Variants in KDM3B observed in about 807,000 individuals in gnomAD.
KDM3B encodes the protein lysine-specific demethylase 3B.
KDM3B carries 10 observed loss-of-function variants against 170.0 expected under a neutral mutation model. The ratio of observed to expected loss-of-function variants is 0.06; its 90% confidence interval spans 0.04 to 0.10. KDM3B has a LOEUF of 0.10. Among genes scored for constraint, KDM3B ranks in the 10% least tolerant of loss-of-function variants. KDM3B has a pLI of 1.00. For synonymous variants in KDM3B, 831 were observed against 834.8 expected, an observed-to-expected ratio of 1.00 and a Z score of 0.08; for missense variants, 1,394 against 2,195.2, an observed-to-expected ratio of 0.64 and a Z score of 7.29.
intron 1 of KDM3B, among the ~76,000 whole-genome samples, chr5:138,353,845 C>T (rs371470830): frequency 1.3e-5 from 2 of 152,104 alleles, no homozygotes; most frequent in African/African-American, 2.4e-5. Flanking sequence ...ATGTGTTATT[C>T]TCGTTAATGT....
rs762526351 is a variant in KDM3B at position 138,386,330 on chromosome 5, C to T, written c.1089C>T (p.Asn363=). Residue 363 remains asparagine (N), a synonymous_variant, in exon 7 of 24, where the codon AAC becomes AAT. Transcript: ENST00000314358. ...GCTTTGCCACTTACACCAAAGAAAA[C>T]GGCAGGACTCTGGTGGTGCAGGATG... ...NIRFATYTKE[N]GRTLVVQDEP... 32 of 1,614,224 alleles carry T rather than the reference C, an allele frequency of 2.0e-5. No homozygotes were observed. The East Asian group carries it at 2.9e-4, about 15-fold the overall frequency.
chr5:138,378,372 C>G (rs546025272), intron 4 of KDM3B, among the ~76,000 whole-genome samples: 2 of 152,048 alleles, frequency 1.3e-5, no homozygotes, highest in Non-Finnish European at 2.9e-5. Flanking sequence ...ACAAATAACA[C>G]CTTGGAGTGC....
At chr5:138,420,004 G>A (rs1763232203) in intron 14 of KDM3B, among the ~76,000 whole-genome samples, 2 of 152,196 alleles carry the variant, frequency 1.3e-5, no homozygotes, top group African/African-American at 2.4e-5. Context: ...TCCTGCCTCA[G>A]CCTCCCAAGT....
intron 3 of KDM3B, among the ~76,000 whole-genome samples, chr5:138,376,528 C>A (rs1338899601): frequency 6.6e-6 from 1 of 151,670 alleles, no homozygotes; most frequent in African/African-American, 2.4e-5. Flanking sequence ...AACAGTGAAA[C>A]CCCATCTCTA....
intron 11 of KDM3B, among the ~76,000 whole-genome samples, chr5:138,403,766 G>C (rs1195457285): frequency 6.6e-6 from 1 of 150,984 alleles, no homozygotes; most frequent in Non-Finnish European, 1.5e-5. Flanking sequence ...GCTGAGGCAG[G>C]AGGATCACTT....
intron 13 of KDM3B, among the ~76,000 whole-genome samples, chr5:138,418,353 T>G (rs1043874772): frequency 6.6e-6 from 1 of 152,150 alleles, no homozygotes; most frequent in African/African-American, 2.4e-5. Context: ...ATTCTGAGAT[T>G]AGAGGCATGA....
chr5:138,424,526 G>A (rs1335801874), intron 16 of KDM3B, among the ~76,000 whole-genome samples, 185 bp downstream of exon 16: 1 of 152,142 alleles, frequency 6.6e-6, no homozygotes, highest in African/African-American at 2.4e-5. Context: ...TATAGCTCAC[G>A]CCTGTAATCT....
intron 7 of KDM3B, among the ~76,000 whole-genome samples, chr5:138,388,438 C>T (rs1561771168): frequency 6.6e-6 from 1 of 151,936 alleles, no homozygotes; most frequent in Non-Finnish European, 1.5e-5. Context: ...CGAGACCATC[C>T]TGGCTAACAC....
In KDM3B at chr5:138,391,368, C is replaced by T. The variant is rs1047548676; in HGVS notation, c.1736C>T (p.Thr579Ile). Residue 579 changes from threonine (T) to isoleucine (I), a missense_variant, in exon 8 of 24, where the codon ACT (threonine) becomes ATT (isoleucine). By Grantham distance (89) the Thr-to-Ile change is moderately conservative. Around this residue, in one of 19 missense-constraint regions of KDM3B, gnomAD observed 294 missense variants for 311.7 expected, o/e 0.94. Coordinates refer to ENST00000314358, the MANE Select transcript of KDM3B (RefSeq NM_016604.4). The surrounding 1 kb of genome is among the most constrained non-coding windows in gnomAD (Gnocchi z 5.0). ...GGCAGATCCGTTCTTGGAACAGACA[C>T]TAAGCCAGGCTCTAAGGCTGGCAGC... Reference protein sequence around the residue: ...CKGRSVLGTDTKPGSKAGSSV... With the variant: ...CKGRSVLGTDIKPGSKAGSSV... 6.2e-7 allele frequency: 1 copy of T among 1,614,104 alleles called. No individual in the cohort carries two copies. The highest frequency in any genetic ancestry group is 8.5e-7 in the Non-Finnish European group (1 of 1,180,002).
At chr5:138,388,798 C>T (rs548081751) in intron 7 of KDM3B, among the ~76,000 whole-genome samples, 3 of 152,086 alleles carry the variant, frequency 2.0e-5, no homozygotes, top group South Asian at 4.2e-4. Context: ...GGTGACAGAG[C>T]GAGACTCCGT....
At chr5:138,379,478 A>C (rs1433886924) in intron 4 of KDM3B, 106 bp from the exon 5 acceptor site, 1 of 1,148,498 alleles carries the variant, frequency 8.7e-7, no homozygotes, top group Non-Finnish European at 1.2e-6. Flanking sequence ...AAAGAGGACC[A>C]AAAGTGCCAA....
In KDM3B at chr5:138,391,578, T is replaced by C; in HGVS notation, c.1946T>C (p.Phe649Ser). 6.2e-7 allele frequency: 1 copy of C among 1,614,150 alleles called. No homozygotes were observed. The highest frequency in any genetic ancestry group is 8.5e-7 in the Non-Finnish European group (1 of 1,180,032). The change falls in exon 8 of 24, where the codon TTC (phenylalanine) becomes TCC (serine). Residue 649 changes from phenylalanine to serine, a missense_variant. Physicochemically the swap from Phe to Ser is radical, Grantham distance 155. Coordinates refer to ENST00000314358, the MANE Select transcript of KDM3B (RefSeq NM_016604.4). The surrounding 1 kb of genome is among the most constrained non-coding windows in gnomAD (Gnocchi z 5.0). ...GTGGAGAAAGTTGAACACAGCCCTT[T>C]CAGTAGTTTTGCATCTCAGGCATCA... The part of the protein sequence containing the change: ...AFVEKVEHSP[F>S]SSFASQASGS...
At chr5:138,365,366 T>A (rs1011839762) in intron 1 of KDM3B, among the ~76,000 whole-genome samples, 1 of 152,106 alleles carries the variant, frequency 6.6e-6, no homozygotes, top group Non-Finnish European at 1.5e-5. Flanking sequence ...CAAGCGATTC[T>A]CCTGCCTCAG....
chr5:138,389,783 T>TGTGA (rs1491453361), intron 7 of KDM3B, among the ~76,000 whole-genome samples: 1 of 26,488 alleles, frequency 3.8e-5, no homozygotes, highest in South Asian at 1.5e-3. Flanking sequence ...TCTCTCTCTC[T>TGTGA]GTGTGTGTGT....
chr5:138,393,230 C>T lies in KDM3B; in HGVS notation c.2689C>T (p.Pro897Ser). Residue 897 changes from proline to serine, a missense_variant, in exon 9 of 24, where the codon CCC (proline) becomes TCC (serine). Around this residue, in one of 19 missense-constraint regions of KDM3B, gnomAD observed 76 missense variants for 190.2 expected, o/e 0.40. Transcript: ENST00000314358. ...KVKKLKQSGE[P>S]FLQDGSCINV... is the part of the protein sequence containing the mutation. ...GAAGAAGCTGAAGCAATCTGGAGAG[C>T]CCTTCCTGCAGGATGGGTCATGCAT... is the stretch of plus-strand genomic sequence containing the variant. 6.2e-7 allele frequency: 1 copy of T among 1,614,226 alleles called. No homozygotes were observed. The highest frequency in any genetic ancestry group is 8.5e-7 in the Non-Finnish European group (1 of 1,180,054).
intron 1 of KDM3B, among the ~76,000 whole-genome samples, chr5:138,362,581 CACACAA>C (rs71593840): frequency 0.26 from 34,669 of 133,018 alleles, 4,912 homozygotes; most frequent in South Asian, 0.44. Flanking sequence ...CACACACACA[CACACAA>C]AATATCTTAA....
At chr5:138,430,477 T>G (rs768600000) in intron 22 of KDM3B, 52 bp downstream of exon 22, 1 of 1,517,436 alleles carries the variant, frequency 6.6e-7, no homozygotes, top group East Asian at 2.3e-5. Flanking sequence ...CTTTCTTATT[T>G]CTGCTTTTCT....
chr5:138,360,275 T>G (rs561322800), intron 1 of KDM3B, among the ~76,000 whole-genome samples: 32 of 152,352 alleles, frequency 2.1e-4, no homozygotes, highest in African/African-American at 7.0e-4. Flanking sequence ...TTGATACTTA[T>G]GCTCTATTTA....
rs1369498943 is a variant in KDM3B at position 138,391,031 on chromosome 5, C to G, written c.1399C>G (p.Leu467Val). The G allele has an allele frequency of 4.5e-6, 7 of 1,569,390 alleles. No individual in the cohort carries two copies. The Admixed American group carries it at 7.8e-5, about 17-fold the overall frequency. ...ASGENSRNSILASSGFGAPLP... is the reference protein window; with the variant it reads ...ASGENSRNSIVASSGFGAPLP... Reference sequence around the variant, plus strand: ...CTTTCAGAATTCAAGAAATTCTATTCTGGCCTCTTCTGGATTTGGAGCACC... The same window carrying G: ...CTTTCAGAATTCAAGAAATTCTATTGTGGCCTCTTCTGGATTTGGAGCACC... The change falls in exon 8 of 24, where the codon CTG becomes GTG. Residue 467 changes from leucine to valine, a missense_variant. Transcript: ENST00000314358. The surrounding 1 kb of genome is among the most constrained non-coding windows in gnomAD (Gnocchi z 5.0).
Sources: allele counts gnomAD v4.1 joint callset (sites outside exome capture counted in the v4.1 genomes callset), GRCh38; gene constraint gnomAD v4.1.1; regional missense constraint gnomAD v4.1.1; non-coding constraint Gnocchi (gnomAD v3.1); transcripts MANE v1.5; gene names NCBI Gene and HGNC (gene_info 2026-07-23, HGNC 2026-07-21).